ARHGAP40: variants seen among roughly 807,000 people sequenced by gnomAD.
ARHGAP40 encodes the protein rho GTPase-activating protein 40.
Under a neutral mutation model 73.5 loss-of-function variants are expected in ARHGAP40, and 43 were observed. The observed-to-expected ratio is 0.58, with a 90% CI of 0.46 to 0.75. The LOEUF (loss-of-function observed/expected upper bound fraction) is 0.75. Ranked by LOEUF, ARHGAP40 falls within the 30% of genes least tolerant of loss-of-function variation. The pLI is 0.00. For synonymous variants in ARHGAP40, 300 were observed against 352.8 expected, an observed-to-expected ratio of 0.85 and a Z score of 1.68; for missense variants, 734 against 861.8, an observed-to-expected ratio of 0.85 and a Z score of 1.86.
At position 38,607,984 on chromosome 20, in the gene ARHGAP40, T is replaced by G. The variant is rs1367611494; in HGVS notation, c.137+5905T>G. ...GAACTCTTTATATATATAGACTGAA[T>G]AGTAACACTTTATCATTTGTTGCAG... is the stretch of plus-strand genomic sequence containing the variant. On this transcript the variant is annotated intron_variant, in intron 1 of 14. Coordinates refer to ENST00000373345, the Ensembl canonical transcript of ARHGAP40. 2.0e-5 allele frequency among the ~76,000 whole-genome samples: 3 copies of G among 152,194 alleles called. No individual in the cohort carries two copies. The East Asian group carries it at 5.8e-4, about 29-fold the overall frequency.
chr20:38,648,512 T>C, intron 13 of ARHGAP40, 131 bp from the exon 14 acceptor site: 1 of 668,256 alleles, frequency 1.5e-6, no homozygotes, highest in South Asian at 1.8e-5. Context: ...CTTATGCTGC[T>C]TCTCCCCAGC....
intron 1 of ARHGAP40, among the ~76,000 whole-genome samples, chr20:38,614,594 C>G (rs528343843): frequency 6.6e-6 from 1 of 152,106 alleles, no homozygotes; most frequent in Non-Finnish European, 1.5e-5. Flanking sequence ...CCCAAGGTGA[C>G]GGTTTCCATG....
At position 38,609,448 on chromosome 20, in the gene ARHGAP40, A is replaced by G. The variant is rs868135901; in HGVS notation, c.137+7369A>G. On this transcript the variant is annotated intron_variant, in intron 1 of 14. Transcript: ENST00000373345. Reference sequence around the variant, plus strand: ...CTTTGAGAACCACTGGGTTAAGTTTATTAATCCTTCAAATATTTATCAATA... The same window carrying G: ...CTTTGAGAACCACTGGGTTAAGTTTGTTAATCCTTCAAATATTTATCAATA... Among the ~76,000 whole-genome samples, 21 of 152,376 alleles carry G rather than the reference A, an allele frequency of 1.4e-4. 1 individual carries two copies. In the Middle Eastern group the frequency reaches 0.01, roughly 74 times the overall value.
At chr20:38,639,197 A>T (rs1010090573) in intron 8 of ARHGAP40, 30 bp from the exon 9 acceptor site, 62 of 1,303,236 alleles carry the variant, frequency 4.8e-5, no homozygotes, top group Non-Finnish European at 6.2e-5. Flanking sequence ...CCCTGGGCCA[A>T]CTGTGTTTTC....
chr20:38,647,820 C>A (rs1036244485), intron 13 of ARHGAP40, among the ~76,000 whole-genome samples: 1 of 152,228 alleles, frequency 6.6e-6, no homozygotes, highest in African/African-American at 2.4e-5. Flanking sequence ...GATCAAGTTA[C>A]AAACTGTATT....
intron 11 of ARHGAP40, among the ~76,000 whole-genome samples, chr20:38,644,757 C>T (rs1465318158): frequency 1.3e-5 from 2 of 151,008 alleles, no homozygotes; most frequent in African/African-American, 2.4e-5. Context: ...CATCTCTCCA[C>T]TCATCTACCA....
chr20:38,605,285 T>C (rs953747189), intron 1 of ARHGAP40, among the ~76,000 whole-genome samples: 3 of 152,160 alleles, frequency 2.0e-5, no homozygotes, highest in Non-Finnish European at 2.9e-5. Context: ...GGTGTGGGCA[T>C]GAATAAGATG....
At chr20:38,639,644 C>G (rs528551640) in intron 9 of ARHGAP40, among the ~76,000 whole-genome samples, 8 of 152,358 alleles carry the variant, frequency 5.3e-5, no homozygotes, top group Non-Finnish European at 8.8e-5. Context: ...GTTTTGCACA[C>G]TACAGTCCCT....
intron 6 of ARHGAP40, 48 bp from the exon 7 acceptor site, chr20:38,637,660 G>T (rs1476913362): frequency 7.8e-7 from 1 of 1,280,484 alleles, no homozygotes; most frequent in South Asian, 1.2e-5. Context: ...GGAGCCCAGT[G>T]ATCATTCCAA....
chr20:38,638,834 T>C (rs1413303469), exon 8 of ARHGAP40: 2 of 1,305,220 alleles, frequency 1.5e-6, no homozygotes, highest in Non-Finnish European at 2.0e-6. Flanking sequence ...CAGGCCAGGG[T>C]CAAGGTAATG....
chr20:38,640,177 C>T, intron 9 of ARHGAP40, among the ~76,000 whole-genome samples: 1 of 141,172 alleles, frequency 7.1e-6, no homozygotes, highest in African/African-American at 2.7e-5. Context: ...CTTCTTCTTT[C>T]TTCTTTTCTT....
intron 1 of ARHGAP40, 82 bp downstream of exon 1, chr20:38,602,161 G>A (rs1283000625): frequency 8.4e-7 from 1 of 1,196,648 alleles, no homozygotes; most frequent in Non-Finnish European, 1.1e-6. Context: ...CAACATCCCT[G>A]TGAGGCAAGA....
At chr20:38,605,305 C>T (rs1426208245) in intron 1 of ARHGAP40, among the ~76,000 whole-genome samples, 1 of 152,178 alleles carries the variant, frequency 6.6e-6, no homozygotes, top group Non-Finnish European at 1.5e-5. Context: ...GCTCTCTCAG[C>T]CCTTAAGATG....
At chr20:38,615,897 G>A (rs904764702) in intron 1 of ARHGAP40, among the ~76,000 whole-genome samples, 1 of 152,188 alleles carries the variant, frequency 6.6e-6, no homozygotes, top group African/African-American at 2.4e-5. Flanking sequence ...GGTGGCTGGG[G>A]ATTAGTTGCT....
chr20:38,627,119 G>A, exon 3 of ARHGAP40: 1 of 1,305,440 alleles, frequency 7.7e-7, no homozygotes. Context: ...TGGCCGCTGT[G>A]TGCCGCCGGC....
At chr20:38,616,825 T>C (rs1246519965) in intron 1 of ARHGAP40, among the ~76,000 whole-genome samples, 2 of 152,222 alleles carry the variant, frequency 1.3e-5, no homozygotes, top group African/African-American at 4.8e-5. Context: ...CTTTGGCGTC[T>C]AGTGGGTAGA....
At chr20:38,610,629 G>A (rs750620175) in intron 1 of ARHGAP40, among the ~76,000 whole-genome samples, 5 of 152,174 alleles carry the variant, frequency 3.3e-5, no homozygotes, top group East Asian at 3.8e-4. Flanking sequence ...TCTTGAAGCC[G>A]GGGCTTACAG....
rs1054557701 is a variant in ARHGAP40, at chr20:38,612,306, G to T, written c.137+10227G>T. On this transcript the variant is annotated intron_variant, in intron 1 of 14. Transcript: ENST00000373345. ...CAGAAAAGTAGATTTGTGTACCCAA[G>T]TTGTTCTAAACATATTTAGGCCTTT... 1.1e-4 allele frequency among the ~76,000 whole-genome samples: 17 copies of T among 152,140 alleles called. 2 individuals carry two copies. The highest frequency in any genetic ancestry group is 1.0e-3 in the Admixed American group (16 of 15,272).
chr20:38,632,774 G>A (rs373579614), intron 5 of ARHGAP40, among the ~76,000 whole-genome samples: 19 of 151,640 alleles, frequency 1.3e-4, no homozygotes, highest in Non-Finnish European at 2.5e-4. Context: ...CCAGAAATTC[G>A]AGACCAGCCT....
Sources: allele counts gnomAD v4.1 joint callset (sites outside exome capture counted in the v4.1 genomes callset), GRCh38; gene constraint gnomAD v4.1.1; transcripts MANE v1.5; gene names NCBI Gene and HGNC (gene_info 2026-07-23, HGNC 2026-07-21).